THBS4: variants seen among roughly 807,000 people sequenced by gnomAD.
The protein encoded by THBS4 is thrombospondin 4, also known as thrombospondin-4.
THBS4 carries 90 observed loss-of-function variants against 115.7 expected under a neutral mutation model. That is an observed-to-expected ratio of 0.78 (90% CI 0.66 to 0.93). The LOEUF (loss-of-function observed/expected upper bound fraction) is 0.93, where lower values mean the gene tolerates loss of function less well. THBS4 is among the 40% of genes least tolerant of loss of function. The pLI is 0.00. For missense variants in THBS4, 1,087 were observed against 1,232.7 expected (o/e 0.88, Z 1.77); for synonymous variants, 460 against 479.3 (o/e 0.96, Z 0.53).
chr5:80,009,536 A>G (rs903309885), intron 2 of THBS4, among the ~76,000 whole-genome samples: 1 of 152,156 alleles, frequency 6.6e-6, no homozygotes, highest in African/African-American at 2.4e-5. Flanking sequence ...TTGTGTAGTG[A>G]GAGTCACTAA....
At position 80,079,123 on chromosome 5, in the gene THBS4, T is replaced by C. The variant is rs370282466; in HGVS notation, c.2376T>C (p.Asp792=). ...CCTTCCATGTGAATACCCAGACAGATGATGACTATGCAGGCTTTATCTTTG... is the reference window on the plus strand; with the variant it reads ...CCTTCCATGTGAATACCCAGACAGACGATGACTATGCAGGCTTTATCTTTG... ...EGTFHVNTQT[D]DDYAGFIFGY... Residue 792 remains aspartate (D), a synonymous_variant, in exon 19 of 22, where the codon GAT becomes GAC. Transcript: ENST00000350881. The C allele has an allele frequency of 1.9e-6, 3 of 1,614,072 alleles. No homozygotes were observed. Among genetic ancestry groups the C allele is most frequent in the Non-Finnish European group, 2.5e-6 (3 of 1,180,022 alleles).
chr5:80,008,073 G>A (rs940200159), intron 2 of THBS4, among the ~76,000 whole-genome samples: 1 of 152,016 alleles, frequency 6.6e-6, no homozygotes, highest in Non-Finnish European at 1.5e-5. Flanking sequence ...ACATCATGTC[G>A]GTGTCAATGA....
In THBS4 at chr5:80,070,638, C is replaced by G; in HGVS notation, c.1453-5C>G. 6.2e-7 allele frequency: 1 copy of G among 1,613,342 alleles called. No individual in the cohort carries two copies. The highest frequency in any genetic ancestry group is 8.5e-7 in the Non-Finnish European group (1 of 1,179,296). ...TGTCACTCGGAACTGCATTTTCCCC[C>G]TAAGGACAACTGCAAATATGTGCCA... On this transcript the variant is annotated splice_polypyrimidine_tract_variant and splice_region_variant and intron_variant, in intron 11 of 21. Transcript: ENST00000350881.
Position 80,070,342 on chromosome 5 carries a change from G to T in THBS4, c.1384G>T (p.Gly462Ter), listed in dbSNP as rs1833989639. Residue 462 changes from glycine to a stop codon, truncating the protein, a stop_gained, in exon 11 of 22, where the codon GGA becomes TGA. Transcript: ENST00000350881. LOFTEE classifies it high-confidence loss of function. ...TTGGGCTGGAGATGGCTATATCTGT[G>T]GAAAGGATGTGGACATCGACAGTTA... ...VGWAGDGYIC[G>*]KDVDIDSYPD... is the part of the protein sequence containing the mutation. 9.3e-6 allele frequency: 15 copies of T among 1,607,368 alleles called. No homozygotes were observed. The highest frequency in any genetic ancestry group is 1.3e-5 in the Non-Finnish European group (15 of 1,176,866).
intron 5 of THBS4, 51 bp downstream of exon 5, chr5:80,058,841 T>C: frequency 1.9e-6 from 3 of 1,552,566 alleles, no homozygotes; most frequent in Middle Eastern, 1.8e-4. Flanking sequence ...TTAGAGCAGC[T>C]CCCCACAAGC....
At chr5:80,011,657 G>A (rs71635001) in intron 2 of THBS4, among the ~76,000 whole-genome samples, 10,960 of 152,036 alleles carry the variant, frequency 0.072, 559 homozygotes, top group Middle Eastern at 0.1. Context: ...AAATAGTGAG[G>A]ACTACACCAA....
chr5:80,065,377 C>A (rs1833777358), intron 8 of THBS4, 32 bp from the exon 9 acceptor site: 2 of 1,589,336 alleles, frequency 1.3e-6, no homozygotes, highest in South Asian at 2.3e-5. Context: ...CAGCATGTCT[C>A]GCTAAACTTT....
chr5:80,073,130 G>A, intron 14 of THBS4, 145 bp from the exon 15 acceptor site: 1 of 742,196 alleles, frequency 1.3e-6, no homozygotes, highest in South Asian at 1.6e-5. Flanking sequence ...CACCAATATG[G>A]TGTTGTCCTT....
intron 2 of THBS4, among the ~76,000 whole-genome samples, chr5:80,018,491 T>A (rs558035613): frequency 1.3e-5 from 2 of 148,562 alleles, no homozygotes; most frequent in South Asian, 4.3e-4. Flanking sequence ...GCCTCCTGGG[T>A]TCAATTGATT....
In THBS4 at chr5:80,079,172, T is replaced by C. The variant is rs777056088; in HGVS notation, c.2425T>C (p.Tyr809His). ...TGGCTACCAAGATAGCTCCAGCTTC[T>C]ACGTGGTCATGTGGAAGCAGACGGA... ...IFGYQDSSSF[Y>H]VVMWKQTEQT... The change falls in exon 19 of 22, where the codon TAC becomes CAC. Residue 809 changes from tyrosine to histidine, a missense_variant. Transcript: ENST00000350881. 12 of 1,614,128 alleles carry C rather than the reference T, an allele frequency of 7.4e-6. No individual in the cohort carries two copies. Among genetic ancestry groups the C allele is most frequent in the South Asian group, 4.4e-5 (4 of 91,092 alleles).
chr5:80,042,547 C>A (rs753110375), intron 2 of THBS4, among the ~76,000 whole-genome samples: 1 of 152,236 alleles, frequency 6.6e-6, no homozygotes, highest in Non-Finnish European at 1.5e-5. Context: ...AAGGAAGCAA[C>A]TTCCCCTGAA....
Position 80,078,086 on chromosome 5 carries a change from C to T in THBS4, c.2124C>T (p.Asp708=). The T allele has an allele frequency of 1.9e-6, 3 of 1,603,954 alleles. No individual in the cohort carries two copies. Among genetic ancestry groups the T allele is most frequent in the Non-Finnish European group, 2.6e-6 (3 of 1,173,266 alleles). Residue 708 remains aspartate (D), a synonymous_variant, in exon 17 of 22, where the codon GAC becomes GAT. Transcript: ENST00000350881. ...GAGACATCTGTGAGTCTGACTTTGA[C>T]CAGGACCAGGTCATCGATCGGATCG... ...GVGDICESDF[D]QDQVIDRIDV... is the part of the protein sequence containing the mutation.
At chr5:80,064,290 T>G (rs1220968470) in intron 8 of THBS4, among the ~76,000 whole-genome samples, 1 of 152,062 alleles carries the variant, frequency 6.6e-6, no homozygotes, top group East Asian at 1.9e-4. Context: ...TAACCAGCCA[T>G]GAAGAAGTGA....
chr5:80,058,561 T>A, intron 4 of THBS4, 147 bp from the exon 5 acceptor site: 2 of 733,350 alleles, frequency 2.7e-6, no homozygotes, highest in Middle Eastern at 2.9e-4. Context: ...TTAGCTGAAT[T>A]AAAGAAATTA....
At chr5:80,001,053 C>G (rs1051413135) in intron 2 of THBS4, among the ~76,000 whole-genome samples, 2 of 152,104 alleles carry the variant, frequency 1.3e-5, no homozygotes, top group Non-Finnish European at 2.9e-5. Context: ...AAAATTAGAC[C>G]AGTTGACTCT....
chr5:80,054,661 C>T (rs364988), intron 2 of THBS4, among the ~76,000 whole-genome samples: 82,315 of 151,662 alleles, frequency 0.54, 22,657 homozygotes, highest in African/African-American at 0.63. Flanking sequence ...GATGAGGTCT[C>T]ACTATGTTGC....
At chr5:80,041,138 C>G (rs1256448103) in intron 2 of THBS4, among the ~76,000 whole-genome samples, 2 of 152,214 alleles carry the variant, frequency 1.3e-5, no homozygotes, top group Non-Finnish European at 2.9e-5. Context: ...CATACCATAT[C>G]CAAACCATAC....
In THBS4 at chr5:80,079,204, AT is replaced by A; in HGVS notation, c.2458del (p.Tyr820IlefsTer20). 1 of 1,614,182 alleles carries A rather than the reference AT, an allele frequency of 6.2e-7. No individual in the cohort carries two copies. ...TCATGTGGAAGCAGACGGAGCAGAC[AT>A]ATTGGCAAGCCACCCCATTCCGAGC... is the stretch of plus-strand genomic sequence containing the variant. ...VVMWKQTEQT[Y>X]WQATPFRAVA... On this transcript the variant is annotated frameshift_variant, in exon 19 of 22. Transcript: ENST00000350881. LOFTEE classifies it high-confidence loss of function.
At chr5:80,076,780 C>G in intron 15 of THBS4, 75 bp from the exon 16 acceptor site, 47 of 1,335,112 alleles carry the variant, frequency 3.5e-5, no homozygotes, top group Non-Finnish European at 4.0e-5. Context: ...CAAGCACAGA[C>G]TCTCCTTCCT....
Sources: gnomAD v4.1 joint callset for allele counts (sites outside exome capture counted in the v4.1 genomes callset) on GRCh38, gnomAD v4.1.1 for gene constraint, MANE v1.5 for transcripts, NCBI Gene and HGNC (gene_info 2026-07-23, HGNC 2026-07-21) for gene names.